Variants in SAFB2 observed in about 807,000 individuals in gnomAD.
SAFB2 encodes scaffold attachment factor B2.
A neutral mutation model predicts 100.6 loss-of-function variants in SAFB2; 32 were observed. The ratio of observed to expected loss-of-function variants is 0.32; its 90% confidence interval spans 0.24 to 0.43. The LOEUF is 0.43. Ranked by LOEUF, SAFB2 falls within the 20% of genes least tolerant of loss-of-function variation. The pLI is 1.00. For missense variants in SAFB2, 1,185 were observed against 1,163.4 expected (o/e 1.02, Z -0.27); for synonymous variants, 500 against 439.4 (o/e 1.14, Z -1.72).
In SAFB2 at chr19:5,593,974, C is replaced by A; in HGVS notation, c.2124G>T (p.Glu708Asp). The A allele has an allele frequency of 6.4e-7, 1 of 1,553,636 alleles. No individual in the cohort carries two copies. The highest frequency in any genetic ancestry group is 8.6e-7 in the Non-Finnish European group (1 of 1,156,794). Residue 708 changes from glutamate (E) to aspartate (D), a missense_variant, in exon 15 of 21, where the codon GAG becomes GAT. Transcript: ENST00000252542. The stretch of plus-strand genomic sequence containing the variant: ...CCTGCTGGCGCCGCAGCTCCTCGCG[C>A]TCGCGGTGGATGCGCTCCTGCTCCT... Reference protein sequence around the residue: ...RRKEQERIHREREELRRQQEQ... With the variant: ...RRKEQERIHRDREELRRQQEQ...
intron 12 of SAFB2, 74 bp downstream of exon 12, chr19:5,600,056 C>A (rs1188633277): frequency 6.7e-7 from 1 of 1,502,702 alleles, no homozygotes; most frequent in East Asian, 2.3e-5. Flanking sequence ...GCTGTCCTCA[C>A]CTTCCCTCGG....
intron 2 of SAFB2, among the ~76,000 whole-genome samples, chr19:5,617,080 G>GA (rs896501929): frequency 1.3e-4 from 19 of 150,442 alleles, no homozygotes; most frequent in African/African-American, 2.9e-4. Flanking sequence ...CCAAACCTAA[G>GA]AAAAAAAATC....
At chr19:5,611,713 T>A in intron 6 of SAFB2, 83 bp from the exon 7 acceptor site, 1 of 397,304 alleles carries the variant, frequency 2.5e-6, no homozygotes, top group South Asian at 1.8e-5. Context: ...CTGGCACGGC[T>A]GCCACACTAA....
intron 11 of SAFB2, among the ~76,000 whole-genome samples, chr19:5,604,228 T>C (rs1239513289): frequency 1.3e-5 from 2 of 152,148 alleles, no homozygotes; most frequent in African/African-American, 4.8e-5. Flanking sequence ...CTTGGTAACA[T>C]GGCGAAACCG....
At chr19:5,614,875 GTACTT>G (rs1306088011) in intron 4 of SAFB2, among the ~76,000 whole-genome samples, 7 of 152,334 alleles carry the variant, frequency 4.6e-5, no homozygotes, top group South Asian at 2.1e-4. Context: ...TGTCTTCACT[GTACTT>G]TACATCTTTT....
Position 5,621,281 on chromosome 19 carries a change from C to G in SAFB2, c.274+28G>C. ...CATTTCTCTAAATTCTCTGAACACT[C>G]AAGCCCCAAGCAGCATATGTACAAT... On this transcript the variant is annotated intron_variant, in intron 2 of 20. Coordinates refer to ENST00000252542, the MANE Select transcript of SAFB2 (RefSeq NM_014649.3). 5 of 1,453,052 alleles carry G rather than the reference C, an allele frequency of 3.4e-6. No homozygotes were observed. In the South Asian group the frequency reaches 4.6e-5, roughly 13 times the overall value. 90.0% of individuals were successfully genotyped at this position (1,453,052 alleles called of 1,614,324 possible).
chr19:5,610,416 A>G (rs2052883832), intron 8 of SAFB2: 1 of 595,268 alleles, frequency 1.7e-6, no homozygotes, highest in African/African-American at 1.9e-5. Flanking sequence ...CCTTTCTTGT[A>G]ATGTGCTTTT....
intron 4 of SAFB2, among the ~76,000 whole-genome samples, chr19:5,615,845 G>C (rs1308220868): frequency 6.6e-6 from 1 of 152,250 alleles, no homozygotes; most frequent in Non-Finnish European, 1.5e-5. Context: ...GGTAACAGTT[G>C]AGACCTCATC....
intron 16 of SAFB2, 92 bp from the exon 17 acceptor site, chr19:5,591,885 C>T: frequency 8.5e-7 from 1 of 1,178,084 alleles, no homozygotes; most frequent in African/African-American, 1.5e-5. Flanking sequence ...ATACTTTTTC[C>T]ATCCCATCAC....
intron 11 of SAFB2, 80 bp from the exon 12 acceptor site, chr19:5,600,340 C>T: frequency 1.3e-6 from 2 of 1,558,042 alleles, no homozygotes; most frequent in South Asian, 1.2e-5. Flanking sequence ...TCGACTCACA[C>T]ATACTCAGAC....
At chr19:5,612,269 G>T in intron 6 of SAFB2, 1 of 514,894 alleles carries the variant, frequency 1.9e-6, no homozygotes. Flanking sequence ...GAATCACGGG[G>T]ACGGGGGAAT....
intron 2 of SAFB2, among the ~76,000 whole-genome samples, chr19:5,620,921 T>C (rs180703931): frequency 4.6e-5 from 7 of 152,332 alleles, no homozygotes; most frequent in African/African-American, 1.7e-4. Flanking sequence ...AGCTGAGTTC[T>C]ATTCGGTCTC....
chr19:5,595,390 T>C lies in SAFB2; in HGVS notation c.1890A>G (p.Glu630=). The change falls in exon 14 of 21, where the codon GAA becomes GAG. Residue 630 remains glutamate, a synonymous_variant. Coordinates refer to ENST00000252542, the MANE Select transcript of SAFB2 (RefSeq NM_014649.3). ...QRERERQRQR[E]REIRETERRR... is the part of the protein sequence containing the mutation. ...GCCTCTCCGTTTCGCGGATCTCCCG[T>C]TCCCGCTGCCTCTGGCGCTCTCTCT... The C allele has an allele frequency of 6.2e-7, 1 of 1,612,698 alleles. No individual in the cohort carries two copies. Among genetic ancestry groups the C allele is most frequent in the South Asian group, 1.1e-5 (1 of 91,046 alleles).
rs756614299 is a variant in SAFB2 at position 5,604,899 on chromosome 19, G to A, written c.1334C>T (p.Pro445Leu). The change falls in exon 10 of 21, where the codon CCG (proline) becomes CTG (leucine). Residue 445 changes from proline (P) to leucine (L), a missense_variant. By Grantham distance (98) the Pro-to-Leu change is moderately conservative (BLOSUM62 -3). This residue lies in a region of SAFB2 where 94 missense variants were observed against 135.1 expected (regional missense o/e 0.70). Coordinates refer to ENST00000252542, the MANE Select transcript of SAFB2 (RefSeq NM_014649.3). Reference sequence around the variant, plus strand: ...GACGAATCCATAGCATCGAGCCCCCGGGCTGCGGGCGTTCGTTACCACTTT... The same window carrying A: ...GACGAATCCATAGCATCGAGCCCCCAGGCTGCGGGCGTTCGTTACCACTTT... The part of the protein sequence containing the change: ...GAKVVTNARS[P>L]GARCYGFVTM... The A allele has an allele frequency of 1.2e-5, 19 of 1,613,776 alleles. No individual in the cohort carries two copies. Among genetic ancestry groups the A allele is most frequent in the South Asian group, 5.5e-5 (5 of 91,070 alleles).
intron 14 of SAFB2, among the ~76,000 whole-genome samples, chr19:5,595,057 T>C (rs2052507153): frequency 6.6e-6 from 1 of 152,156 alleles, no homozygotes; most frequent in Non-Finnish European, 1.5e-5. Flanking sequence ...CTACATTGCC[T>C]AGGATGGTCT....
intron 16 of SAFB2, 125 bp from the exon 17 acceptor site, chr19:5,591,918 G>GA: frequency 3.4e-6 from 3 of 869,720 alleles, no homozygotes; most frequent in African/African-American, 1.7e-5. Context: ...ACTGGCCTGG[G>GA]AAAAAAGGAA....
chr19:5,595,298 G>A (rs976733123), intron 14 of SAFB2, 63 bp downstream of exon 14: 1 of 1,568,234 alleles, frequency 6.4e-7, no homozygotes, highest in African/African-American at 1.4e-5. Flanking sequence ...AAGTACAGCT[G>A]GGAGAAGGAC....
chr19:5,612,332 C>T, intron 6 of SAFB2: 1 of 604,370 alleles, frequency 1.7e-6, no homozygotes. Flanking sequence ...TACATTGCAC[C>T]AAATGTATTT....
chr19:5,593,966 T>A lies in SAFB2; in HGVS notation c.2132A>T (p.Glu711Val). 6.4e-7 allele frequency: 1 copy of A among 1,552,364 alleles called. No homozygotes were observed. ...CAGCTGCTCCTGCTGGCGCCGCAGC[T>A]CCTCGCGCTCGCGGTGGATGCGCTC... ...EQERIHREREELRRQQEQLRY... is the reference protein window; with the variant it reads ...EQERIHREREVLRRQQEQLRY... The change falls in exon 15 of 21, where the codon GAG becomes GTG. Residue 711 changes from glutamate to valine, a missense_variant. By Grantham distance (121) the Glu-to-Val change is moderately radical (BLOSUM62 -2). Around this residue, in one of 3 missense-constraint regions of SAFB2, gnomAD observed 740 missense variants for 687.1 expected, o/e 1.08. Transcript: ENST00000252542.
Sources: gnomAD v4.1 joint callset for allele counts (sites outside exome capture counted in the v4.1 genomes callset) on GRCh38, gnomAD v4.1.1 for gene constraint, gnomAD v4.1.1 regional missense constraint, MANE v1.5 for transcripts, NCBI Gene and HGNC (gene_info 2026-07-23, HGNC 2026-07-21) for gene names.